Variants in PHF24 observed in about 807,000 individuals in gnomAD.
PHF24 encodes PHD finger protein 24, also known as Galpha inhibitory interacting protein.
In PHF24, 25 loss-of-function variants were observed where a neutral mutation model predicts 42.6. The ratio of observed to expected loss-of-function variants is 0.59; its 90% CI spans 0.43 to 0.82. The LOEUF (loss-of-function observed/expected upper bound fraction) is 0.82. Ranked by LOEUF, PHF24 falls within the 40% of genes least tolerant of loss-of-function variation. The pLI is 0.00. For synonymous variants in PHF24, 185 were observed against 204.8 expected (o/e 0.90, Z 0.83); for missense variants, 470 against 538.1 (o/e 0.87, Z 1.25).
At chr9:34,805,972 T>C in the PHF24 span, among the ~76,000 whole-genome samples, 2 of 152,224 alleles carry the variant, frequency 1.3e-5, no homozygotes, top group Admixed American at 6.5e-5. Context: ...TTTTCATTGT[T>C]GTTGTATTTT....
At chr9:34,802,617 A>T in the PHF24 span, among the ~76,000 whole-genome samples, 3 of 152,238 alleles carry the variant, frequency 2.0e-5, no homozygotes, top group Non-Finnish European at 2.9e-5. Flanking sequence ...TTACCAAATG[A>T]AACTAATTTC....
chr9:34,780,756 A>G, the PHF24 span, among the ~76,000 whole-genome samples: 1 of 152,230 alleles, frequency 6.6e-6, no homozygotes, highest in Non-Finnish European at 1.5e-5. Flanking sequence ...CAACTCAACT[A>G]CAATGGCAAA....
At chr9:34,977,917 G>A (rs951867331) in intron 7 of PHF24, 98 bp from the exon 8 acceptor site, 21 of 947,380 alleles carry the variant, frequency 2.2e-5, no homozygotes, top group East Asian at 1.2e-4. Context: ...GGGCTCACGC[G>A]TCTTCAAACC....
At chr9:34,979,924 T>C (rs1827333542) in exon 8 of PHF24, 2 of 152,156 alleles carry the variant, frequency 1.3e-5, no homozygotes, top group Admixed American at 1.3e-4. Context: ...TTCAGTCTAG[T>C]CAAAACAAGA....
chr9:34,754,629 A>G, the PHF24 span, among the ~76,000 whole-genome samples: 1 of 152,192 alleles, frequency 6.6e-6, no homozygotes, highest in Non-Finnish European at 1.5e-5. Context: ...GTAAACCACT[A>G]TGGAGAATAG....
At chr9:34,792,541 G>A in the PHF24 span, among the ~76,000 whole-genome samples, 40 of 152,018 alleles carry the variant, frequency 2.6e-4, no homozygotes, top group African/African-American at 4.6e-4. Context: ...GTGGTGGTGC[G>A]TACCTGTAAT....
the PHF24 span, among the ~76,000 whole-genome samples, chr9:34,716,565 C>CTTTGCTTTGTTTTGT: frequency 2.0e-5 from 3 of 148,212 alleles, no homozygotes; most frequent in African/African-American, 7.5e-5. Context: ...TTTTGTTTTG[C>CTTTGCTTTGTTTTGT]TTTGTTTTGT....
At chr9:34,721,784 T>C in the PHF24 span, among the ~76,000 whole-genome samples, 1 of 152,160 alleles carries the variant, frequency 6.6e-6, no homozygotes, top group African/African-American at 2.4e-5. Flanking sequence ...CCTGTTAAGG[T>C]CATCAATGAT....
the PHF24 span, among the ~76,000 whole-genome samples, chr9:34,854,979 T>C: frequency 6.6e-6 from 1 of 152,328 alleles, no homozygotes; most frequent in South Asian, 2.1e-4. Flanking sequence ...TGTATGTATA[T>C]TTAGGATAGT....
the PHF24 span, among the ~76,000 whole-genome samples, chr9:34,685,718 GT>G: frequency 6.6e-6 from 1 of 152,122 alleles, no homozygotes; most frequent in Admixed American, 6.5e-5. Context: ...TCATGGGATC[GT>G]TTGAGGGTGC....
At chr9:34,671,902 C>T in the PHF24 span, among the ~76,000 whole-genome samples, 2 of 151,852 alleles carry the variant, frequency 1.3e-5, no homozygotes, top group Non-Finnish European at 2.9e-5. Context: ...CCCATTCTTC[C>T]TTCTTTCATC....
chr9:34,728,967 A>G, the PHF24 span, among the ~76,000 whole-genome samples: 3 of 152,198 alleles, frequency 2.0e-5, no homozygotes, highest in Non-Finnish European at 2.9e-5. Flanking sequence ...TCTAACAACC[A>G]AAGGACTTCT....
At chr9:34,966,285 G>C (rs1441938966) in intron 1 of PHF24, among the ~76,000 whole-genome samples, 1 of 152,134 alleles carries the variant, frequency 6.6e-6, no homozygotes, top group Non-Finnish European at 1.5e-5. Flanking sequence ...TCTGGTTGTT[G>C]TGTTTAAAAA....
At chr9:34,765,544 A>G in the PHF24 span, among the ~76,000 whole-genome samples, 2 of 148,996 alleles carry the variant, frequency 1.3e-5, no homozygotes, top group South Asian at 4.4e-4. Context: ...TTTGTTTTCC[A>G]TCTGCTTGGT....
the PHF24 span, among the ~76,000 whole-genome samples, chr9:34,920,599 A>T: frequency 3.5e-4 from 53 of 152,290 alleles, no homozygotes; most frequent in Middle Eastern, 0.017. Context: ...GGAAATATGG[A>T]CATTTTATCA....
the PHF24 span, among the ~76,000 whole-genome samples, chr9:34,927,939 T>C: frequency 1.3e-5 from 2 of 152,204 alleles, no homozygotes; most frequent in African/African-American, 2.4e-5. Context: ...AAAACATTAA[T>C]GAGTTGGGAG....
chr9:34,971,732 A>G (rs1428568411), intron 2 of PHF24, 56 bp downstream of exon 2: 2 of 1,527,588 alleles, frequency 1.3e-6, no homozygotes, highest in East Asian at 2.3e-5. Context: ...GGAGCAGGAC[A>G]GGGAAGATGG....
chr9:34,685,729 CAGTGATGT>C, the PHF24 span, among the ~76,000 whole-genome samples: 597 of 152,252 alleles, frequency 3.9e-3, 5 homozygotes, highest in African/African-American at 0.014. Flanking sequence ...TTTGAGGGTG[CAGTGATGT>C]AGTGCCAAGA....
chr9:34,784,088 T>C, the PHF24 span, among the ~76,000 whole-genome samples: 1 of 152,234 alleles, frequency 6.6e-6, no homozygotes, highest in Non-Finnish European at 1.5e-5. Context: ...GTAGCTTCTG[T>C]AGGTAATCTC....
Sources: allele counts gnomAD v4.1 joint callset (sites outside exome capture counted in the v4.1 genomes callset), GRCh38; gene constraint gnomAD v4.1.1; transcripts MANE v1.5; gene names NCBI Gene and HGNC (gene_info 2026-07-23, HGNC 2026-07-21).